The following SERP2 variants were observed in gnomAD, a reference collection of about 807,000 sequenced individuals.
SERP2 encodes stress-associated endoplasmic reticulum protein 2.
SERP2 carries 6 observed loss-of-function variants against 9.1 expected under a neutral mutation model. That is an observed-to-expected ratio of 0.66 (90% CI 0.36 to 1.30). The LOEUF is 1.30. Among genes scored for constraint, SERP2 ranks in the 50% most tolerant of loss-of-function variants. The pLI, the probability that SERP2 is intolerant of heterozygous loss-of-function variation, is 0.03. For synonymous variants in SERP2, 37 were observed against 27.3 expected (o/e 1.35, Z -1.10); for missense variants, 58 against 81.9 (o/e 0.71, Z 1.13).
Position 44,374,120 on chromosome 13 carries a change from GTC to G in SERP2, c.84+12_84+13del. 2 of 1,557,038 alleles carry G rather than the reference GTC, an allele frequency of 1.3e-6. No homozygotes were observed. The highest frequency in any genetic ancestry group is 1.7e-6 in the Non-Finnish European group (2 of 1,153,362). Reference sequence around the variant, plus strand: ...GTAGCCAAAACCCTGGTAAGGCGGGGTCGGCGCCGGCCAGGCAGAGCCCTGCA... The same window carrying G: ...GTAGCCAAAACCCTGGTAAGGCGGGGGGCGCCGGCCAGGCAGAGCCCTGCA... On this transcript the variant is annotated intron_variant, in intron 1 of 2. Transcript: ENST00000379179.
intron 1 of SERP2, among the ~76,000 whole-genome samples, chr13:44,377,011 T>C (rs1871697089): frequency 6.6e-6 from 1 of 152,082 alleles, no homozygotes; most frequent in Non-Finnish European, 1.5e-5. Flanking sequence ...TTTCCAGCCA[T>C]AGAGTAAGGT....
intron 2 of SERP2, among the ~76,000 whole-genome samples, chr13:44,393,819 T>G (rs1262814236): frequency 6.6e-6 from 1 of 152,158 alleles, no homozygotes; most frequent in Non-Finnish European, 1.5e-5. Flanking sequence ...GTTAATATAA[T>G]TAGAATGTGT....
intron 2 of SERP2, among the ~76,000 whole-genome samples, chr13:44,393,746 A>G (rs895061740): frequency 6.6e-6 from 1 of 152,182 alleles, no homozygotes; most frequent in African/African-American, 2.4e-5. Flanking sequence ...CGCCTCAGAA[A>G]GTCAGCATTT....
chr13:44,395,549 A>C (rs1873043628), intron 2 of SERP2, among the ~76,000 whole-genome samples: 1 of 147,814 alleles, frequency 6.8e-6, no homozygotes, highest in Non-Finnish European at 1.5e-5. Context: ...GCTTGCAGTG[A>C]GCCGAGATCG....
intron 2 of SERP2, chr13:44,391,204 AG>A (rs1872738299): frequency 6.6e-6 from 1 of 152,114 alleles, no homozygotes; most frequent in South Asian, 2.1e-4. Context: ...GTCAGTCCCC[AG>A]GGTGAGAGTC....
intron 2 of SERP2, among the ~76,000 whole-genome samples, chr13:44,381,658 T>C (rs1376685720): frequency 6.6e-6 from 1 of 152,248 alleles, no homozygotes; most frequent in Non-Finnish European, 1.5e-5. Flanking sequence ...CCTCTATTAA[T>C]GTGACCCAGG....
chr13:44,390,608 G>T, intron 2 of SERP2: 1 of 304,862 alleles, frequency 3.3e-6, no homozygotes, highest in South Asian at 2.6e-5. Context: ...GTGCCCTGGG[G>T]GCATTTGGGA....
At chr13:44,377,451 A>G (rs1871723339) in intron 1 of SERP2, among the ~76,000 whole-genome samples, 1 of 152,238 alleles carries the variant, frequency 6.6e-6, no homozygotes, top group Non-Finnish European at 1.5e-5. Context: ...AGGTAGCTTT[A>G]TGAATGTTGT....
At chr13:44,382,359 C>T (rs1872033383) in intron 2 of SERP2, among the ~76,000 whole-genome samples, 1 of 147,876 alleles carries the variant, frequency 6.8e-6, no homozygotes, top group Admixed American at 6.8e-5. Context: ...ATGGCGTGAA[C>T]CAGGGAGGTG....
At position 44,397,274 on chromosome 13, in the gene SERP2, A is replaced by C. The variant is rs777662445; in HGVS notation, c.160A>C (p.Ile54Leu). The C allele has an allele frequency of 6.2e-7, 1 of 1,613,814 alleles. No individual in the cohort carries two copies. Among genetic ancestry groups the C allele is most frequent in the Non-Finnish European group, 8.5e-7 (1 of 1,179,736 alleles). The change falls in exon 3 of 3, where the codon ATC (isoleucine) becomes CTC (leucine). Residue 54 changes from isoleucine to leucine, a missense_variant and splice_region_variant. Physicochemically the swap from Ile to Leu is conservative, Grantham distance 5. Coordinates refer to ENST00000379179, the MANE Select transcript of SERP2 (RefSeq NM_001010897.3). ...LFVFVVCGSAIFQIIQSIRMG... is the reference protein window; with the variant it reads ...LFVFVVCGSALFQIIQSIRMG... The stretch of plus-strand genomic sequence containing the variant: ...CTGTGGTGTTTTCCTCTTTTCAGCT[A>C]TCTTTCAGATCATTCAGAGCATAAG...
rs920002856 is a variant in SERP2, at chr13:44,392,146, C to T, written c.158-5126C>T. On this transcript the variant is annotated intron_variant, in intron 2 of 2. Transcript: ENST00000379179. ...CCGGAAGACAGAGGTTGCAGTAAGC[C>T]GAGATCGTGCCACTGCTCTCTAGGC... Among the ~76,000 whole-genome samples the T allele has an allele frequency of 8.4e-5, 11 of 130,498 alleles. No homozygotes were observed. The East Asian group carries it at 2.4e-3, about 28-fold the overall frequency. The allele number at this position is 130,498 out of a possible 152,430, so 85.6% of individuals were successfully genotyped here. A position where few individuals can be genotyped will look rare whatever the true frequency, so the allele number is the denominator to read the frequency against.
intron 2 of SERP2, among the ~76,000 whole-genome samples, chr13:44,385,652 G>A (rs1373665137): frequency 6.6e-6 from 1 of 152,212 alleles, no homozygotes; most frequent in Non-Finnish European, 1.5e-5. Context: ...TCTGAAGGGA[G>A]GATAGTTTCA....
At chr13:44,386,582 C>T (rs575196758) in intron 2 of SERP2, among the ~76,000 whole-genome samples, 26 of 152,324 alleles carry the variant, frequency 1.7e-4, no homozygotes, top group Middle Eastern at 6.8e-3. Context: ...CAGGGTTTCA[C>T]CCTGTTGTTG....
intron 2 of SERP2, among the ~76,000 whole-genome samples, chr13:44,380,937 TCTC>T (rs1349046215): frequency 1.3e-5 from 2 of 152,152 alleles, no homozygotes; most frequent in East Asian, 3.9e-4. Flanking sequence ...ATGGACTCGT[TCTC>T]CTCTAAGCAC....
At chr13:44,381,505 GTAC>G (rs1342443408) in intron 2 of SERP2, among the ~76,000 whole-genome samples, 2 of 152,206 alleles carry the variant, frequency 1.3e-5, no homozygotes, top group Non-Finnish European at 2.9e-5. Flanking sequence ...TCGTGCCACT[GTAC>G]TCCTTCCTGG....
intron 2 of SERP2, among the ~76,000 whole-genome samples, chr13:44,390,192 T>A (rs1266740253): frequency 6.6e-6 from 1 of 152,122 alleles, no homozygotes; most frequent in Non-Finnish European, 1.5e-5. Flanking sequence ...CCAGAAAAAG[T>A]GTGTTTTCCA....
At chr13:44,392,662 TA>T (rs1260564413) in intron 2 of SERP2, among the ~76,000 whole-genome samples, 2 of 152,068 alleles carry the variant, frequency 1.3e-5, no homozygotes, top group African/African-American at 4.8e-5. Flanking sequence ...AGATGGAAGA[TA>T]ATGATGCCAG....
chr13:44,384,745 C>A (rs762585738), intron 2 of SERP2, among the ~76,000 whole-genome samples: 6 of 152,176 alleles, frequency 3.9e-5, no homozygotes, highest in Non-Finnish European at 7.3e-5. Context: ...GGTCATATGG[C>A]CTTTCTTTGC....
intron 2 of SERP2, among the ~76,000 whole-genome samples, chr13:44,383,420 G>A (rs1479865355): frequency 2.6e-5 from 4 of 152,090 alleles, no homozygotes; most frequent in Admixed American, 6.6e-5. Flanking sequence ...CATGCAGCAG[G>A]ACCTGTATCT....
Sources: gnomAD v4.1 joint callset for allele counts (sites outside exome capture counted in the v4.1 genomes callset) on GRCh38, gnomAD v4.1.1 for gene constraint, MANE v1.5 for transcripts, NCBI Gene and HGNC (gene_info 2026-07-23, HGNC 2026-07-21) for gene names.